TAF2: variants seen among roughly 807,000 people sequenced by gnomAD.
The protein encoded by TAF2 is transcription initiation factor TFIID subunit 2.
TAF2 carries 61 observed loss-of-function variants against 138.5 expected under a neutral mutation model. The observed-to-expected ratio is 0.44, with a 90% confidence interval of 0.36 to 0.54. The LOEUF is 0.54. Among genes scored for constraint, TAF2 ranks in the 20% least tolerant of loss-of-function variants. TAF2 has a pLI of 0.00. For missense variants in TAF2, 1,090 were observed against 1,427.9 expected, an observed-to-expected ratio of 0.76 and a Z score of 3.81; for synonymous variants, 475 against 469.9, an observed-to-expected ratio of 1.01 and a Z score of -0.14.
intron 21 of TAF2, among the ~76,000 whole-genome samples, chr8:119,756,800 G>C (rs771081648): frequency 1.3e-5 from 2 of 151,944 alleles, no homozygotes; most frequent in African/African-American, 4.8e-5. Context: ...ACAGGGCAAC[G>C]CAATGAAAAC....
intron 3 of TAF2, among the ~76,000 whole-genome samples, chr8:119,809,719 G>C (rs1009898805): frequency 2.6e-5 from 4 of 152,100 alleles, no homozygotes; most frequent in Non-Finnish European, 5.9e-5. Context: ...CAGAGACAGG[G>C]AACAGCTGGT....
At position 119,775,567 on chromosome 8, in the gene TAF2, G is replaced by A. The variant is rs568995821; in HGVS notation, c.2364+2452C>T. On this transcript the variant is annotated intron_variant, in intron 18 of 25. Transcript: ENST00000378164. The stretch of plus-strand genomic sequence containing the variant: ...AAAGTACAACAATTAGCTGGGCGTG[G>A]GGGTATGTGCCTATAGTCCCAGATA... Among the ~76,000 whole-genome samples the A allele has an allele frequency of 4.1e-4, 63 of 151,970 alleles. 1 individual carries two copies. The South Asian group carries it at 0.012, about 29-fold the overall frequency.
intron 25 of TAF2, among the ~76,000 whole-genome samples, chr8:119,734,621 G>A (rs1819098185): frequency 6.6e-6 from 1 of 151,914 alleles, no homozygotes; most frequent in Admixed American, 6.6e-5. Context: ...CTTATTTCTT[G>A]TCTAACTGAT....
chr8:119,783,274 G>T, intron 16 of TAF2, 107 bp downstream of exon 16: 1 of 1,385,890 alleles, frequency 7.2e-7, no homozygotes, highest in Non-Finnish European at 9.7e-7. Context: ...AGCTTTCAAA[G>T]AATCAGCTAC....
chr8:119,738,979 C>T (rs1312521842), intron 25 of TAF2, among the ~76,000 whole-genome samples: 1 of 149,932 alleles, frequency 6.7e-6, no homozygotes, highest in Non-Finnish European at 1.5e-5. Flanking sequence ...AAAAGAAAGA[C>T]CTCTAGGGCA....
At chr8:119,746,373 CAAAAAAAAA>C (rs11392436) in intron 23 of TAF2, among the ~76,000 whole-genome samples, 1 of 54,318 alleles carries the variant, frequency 1.8e-5, no homozygotes, top group East Asian at 7.6e-4. Flanking sequence ...AACTCTGTCT[CAAAAAAAAA>C]AAAAAAAAAA....
chr8:119,813,069 A>G (rs1162036491), intron 3 of TAF2, among the ~76,000 whole-genome samples: 1 of 152,162 alleles, frequency 6.6e-6, no homozygotes, highest in African/African-American at 2.4e-5. Flanking sequence ...TGTATAAGCA[A>G]TTCCCTTTTT....
chr8:119,755,559 C>A (rs1343528367), intron 22 of TAF2, among the ~76,000 whole-genome samples: 1 of 151,962 alleles, frequency 6.6e-6, no homozygotes, highest in African/African-American at 2.4e-5. Context: ...CAGTATAGAA[C>A]AATAATAATA....
Position 119,778,036 on chromosome 8 carries a change from C to A in TAF2, c.2347G>T (p.Asp783Tyr). Reference protein sequence around the residue: ...TFILDLIKYNDNRKNKFSDNY... With the variant: ...TFILDLIKYNYNRKNKFSDNY... ...TACCTCACCTTATTTTTCCTGTTGT[C>A]ATTGTACTTGATTAAGTCTAAAATA... Residue 783 changes from aspartate (D) to tyrosine (Y), a missense_variant, in exon 18 of 26, where the codon GAC (aspartate) becomes TAC (tyrosine). Physicochemically the swap from Asp to Tyr is radical, Grantham distance 160. Transcript: ENST00000378164. 6.5e-7 allele frequency: 1 copy of A among 1,536,158 alleles called. No individual in the cohort carries two copies. The highest frequency in any genetic ancestry group is 9.0e-7 in the Non-Finnish European group (1 of 1,114,806).
rs1825683461 is a variant in TAF2 at position 119,819,369 on chromosome 8, T to G, written c.276A>C (p.Glu92Asp). The change falls in exon 3 of 26, where the codon GAA (glutamate) becomes GAC (aspartate). Residue 92 changes from glutamate to aspartate, a missense_variant. Physicochemically the swap from Glu to Asp is conservative, Grantham distance 45. Around this residue, in one of 3 missense-constraint regions of TAF2, gnomAD observed 504 missense variants for 680.9 expected, o/e 0.74. Coordinates refer to ENST00000378164, the MANE Select transcript of TAF2 (RefSeq NM_003184.4). ...AAFIYNDPTL[E>D]VCHSESKQRN... The stretch of plus-strand genomic sequence containing the variant: ...ACTGTTTTGATTCACTGTGACAAAC[T>G]TCCAAGGTTGGGTCATTATAAATAA... 6.2e-7 allele frequency: 1 copy of G among 1,613,050 alleles called. No homozygotes were observed. Among genetic ancestry groups the G allele is most frequent in the Non-Finnish European group, 8.5e-7 (1 of 1,179,642 alleles).
intron 18 of TAF2, among the ~76,000 whole-genome samples, chr8:119,775,469 G>A (rs780898965): frequency 2.1e-4 from 32 of 151,810 alleles, no homozygotes; most frequent in Non-Finnish European, 3.1e-4. Flanking sequence ...TTGAGAGGCC[G>A]AGGCAGGCGA....
Position 119,831,688 on chromosome 8 carries a change from T to G in TAF2, c.127A>C (p.Lys43Gln). 1 of 1,605,704 alleles carries G rather than the reference T, an allele frequency of 6.2e-7. No individual in the cohort carries two copies. The highest frequency in any genetic ancestry group is 1.1e-5 in the South Asian group (1 of 89,806). ...GAGAATAAACTTACCACAACAGATT[T>G]TCTCTGGAAATTTATGTTGTTGATG... ...VCINNINFQR[K>Q]SVVGFVELTI... The change falls in exon 2 of 26, where the codon AAA becomes CAA. Residue 43 changes from lysine (K) to glutamine (Q), a missense_variant. By Grantham distance (53) the Lys-to-Gln change is moderately conservative (BLOSUM62 1). This residue lies in a region of TAF2 where 504 missense variants were observed against 680.9 expected (regional missense o/e 0.74). Coordinates refer to ENST00000378164, the MANE Select transcript of TAF2 (RefSeq NM_003184.4).
At chr8:119,744,510 T>C (rs758653604) in intron 23 of TAF2, 117 bp from the exon 24 acceptor site, 50 of 833,832 alleles carry the variant, frequency 6.0e-5, no homozygotes, top group Non-Finnish European at 9.4e-5. Context: ...CATATAATCT[T>C]AAAATAAAAA....
chr8:119,818,356 G>T (rs762716359), intron 3 of TAF2, among the ~76,000 whole-genome samples: 1 of 152,134 alleles, frequency 6.6e-6, no homozygotes, highest in African/African-American at 2.4e-5. Flanking sequence ...TATACCTCTA[G>T]ACTAGTTAAA....
chr8:119,816,600 A>C (rs1407471122), intron 3 of TAF2, among the ~76,000 whole-genome samples: 1 of 152,232 alleles, frequency 6.6e-6, no homozygotes, highest in Non-Finnish European at 1.5e-5. Flanking sequence ...TTTAGAAATA[A>C]GTAACAGAAG....
At chr8:119,778,213 G>A in intron 17 of TAF2, 84 bp from the exon 18 acceptor site, 1 of 825,684 alleles carries the variant, frequency 1.2e-6, no homozygotes, top group South Asian at 1.5e-5. Context: ...ATAGAAAAGG[G>A]TTACTCTTGG....
chr8:119,818,972 A>C, intron 3 of TAF2, among the ~76,000 whole-genome samples: 1 of 152,192 alleles, frequency 6.6e-6, no homozygotes, highest in East Asian at 1.9e-4. Flanking sequence ...TTTTTATAGA[A>C]TATTTTAAAG....
intron 16 of TAF2, among the ~76,000 whole-genome samples, chr8:119,781,617 G>A (rs1295959181): frequency 1.3e-5 from 2 of 152,086 alleles, no homozygotes; most frequent in South Asian, 2.1e-4. Flanking sequence ...ACGGGGAGGG[G>A]GAGGTTGCAG....
chr8:119,758,032 G>T, intron 21 of TAF2, 41 bp downstream of exon 21: 1 of 1,523,772 alleles, frequency 6.6e-7, no homozygotes, highest in Non-Finnish European at 9.1e-7. Flanking sequence ...GTTCACTATA[G>T]GACTTACAAA....
Sources: gnomAD v4.1 joint callset for allele counts (sites outside exome capture counted in the v4.1 genomes callset) on GRCh38, gnomAD v4.1.1 for gene constraint, gnomAD v4.1.1 regional missense constraint, MANE v1.5 for transcripts, NCBI Gene and HGNC (gene_info 2026-07-23, HGNC 2026-07-21) for gene names.